Variants in DPYD observed in about 807,000 individuals in gnomAD.
DPYD encodes dihydropyrimidine dehydrogenase.
A neutral mutation model predicts 116.2 loss-of-function variants in DPYD; 109 were observed. That is an observed-to-expected ratio of 0.94 (90% CI 0.80 to 1.10). The LOEUF is 1.10. Among genes scored for constraint, DPYD ranks in the 50% least tolerant of loss-of-function variants. DPYD has a pLI of 0.00. For synonymous variants in DPYD, 440 were observed against 432.0 expected (o/e 1.02, Z -0.23); for missense variants, 1,302 against 1,254.5 (o/e 1.04, Z -0.57).
At chr1:97,418,488 C>T (rs143584592) in intron 14 of DPYD, among the ~76,000 whole-genome samples, 68 of 151,886 alleles carry the variant, frequency 4.5e-4, no homozygotes, top group African/African-American at 1.2e-3. Flanking sequence ...TTAGTAGAGA[C>T]GGGGTTTCAC....
At chr1:97,590,325 T>C (rs1654420503) in intron 10 of DPYD, among the ~76,000 whole-genome samples, 2 of 152,344 alleles carry the variant, frequency 1.3e-5, no homozygotes, top group Admixed American at 1.3e-4. Flanking sequence ...AGGCCTACTG[T>C]TATAATATTT....
chr1:97,348,108 A>T (rs774124318), intron 16 of DPYD, among the ~76,000 whole-genome samples: 2 of 152,154 alleles, frequency 1.3e-5, no homozygotes. Flanking sequence ...TTTTTGAGAA[A>T]ATCCTTTCCA....
In DPYD at chr1:97,721,530, A is replaced by G. The variant is rs201443458; in HGVS notation, c.463T>C (p.Leu155=). ...TEEGPINIGG[L]QQFATEVFKA... ...CATACCTCAGTAGCAAATTGCTGCA[A>G]TCCACCAATATTAATGGGTCCCTCT... The change falls in exon 5 of 23, where the codon TTG becomes CTG. Residue 155 remains leucine, a synonymous_variant. Coordinates refer to ENST00000370192, the MANE Select transcript of DPYD (RefSeq NM_000110.4). 5 of 1,611,452 alleles carry G rather than the reference A, an allele frequency of 3.1e-6. No individual in the cohort carries two copies. The Admixed American group carries it at 6.7e-5, about 22-fold the overall frequency.
At chr1:97,398,067 G>T (rs1289524359) in intron 14 of DPYD, among the ~76,000 whole-genome samples, 1 of 151,844 alleles carries the variant, frequency 6.6e-6, no homozygotes, top group Non-Finnish European at 1.5e-5. Context: ...ATTTACATTA[G>T]GTATATCTCC....
intron 3 of DPYD, among the ~76,000 whole-genome samples, chr1:97,746,811 T>TC (rs1213344735): frequency 6.6e-6 from 1 of 152,042 alleles, no homozygotes; most frequent in South Asian, 2.1e-4. Context: ...ACTGGGGCTC[T>TC]CACTTATTGG....
chr1:97,241,543 T>C (rs1444270688), intron 18 of DPYD, among the ~76,000 whole-genome samples: 1 of 151,940 alleles, frequency 6.6e-6, no homozygotes, highest in African/African-American at 2.4e-5. Flanking sequence ...CAGTTATTAT[T>C]GAGAAGTGAC....
At chr1:97,646,540 T>C (rs1342452191) in intron 8 of DPYD, among the ~76,000 whole-genome samples, 5 of 152,136 alleles carry the variant, frequency 3.3e-5, no homozygotes, top group Non-Finnish European at 1.5e-5. Flanking sequence ...CTCATGGTAA[T>C]ACAAGATTAA....
chr1:97,121,025 C>G (rs1022782104), intron 20 of DPYD, among the ~76,000 whole-genome samples: 1 of 152,072 alleles, frequency 6.6e-6, no homozygotes, highest in African/African-American at 2.4e-5. Flanking sequence ...CATAAAATAA[C>G]TCTGGTTTTA....
intron 11 of DPYD, among the ~76,000 whole-genome samples, chr1:97,565,524 G>A (rs1315218140): frequency 6.6e-6 from 1 of 151,900 alleles, no homozygotes; most frequent in East Asian, 1.9e-4. Context: ...ACACCATCTG[G>A]TCCAGCAAAA....
At chr1:97,727,233 A>T (rs1663316539) in intron 4 of DPYD, among the ~76,000 whole-genome samples, 2 of 151,736 alleles carry the variant, frequency 1.3e-5, no homozygotes, top group South Asian at 4.1e-4. Context: ...GACTTGTCTA[A>T]GATAAGAGAG....
At chr1:97,475,570 TG>T (rs1677912403) in intron 13 of DPYD, among the ~76,000 whole-genome samples, 1 of 152,226 alleles carries the variant, frequency 6.6e-6, no homozygotes, top group Admixed American at 6.5e-5. Context: ...CCTCTAGCCC[TG>T]GGGTAGCCAA....
intron 3 of DPYD, among the ~76,000 whole-genome samples, chr1:97,773,472 A>C (rs1666243336): frequency 6.6e-6 from 1 of 152,168 alleles, no homozygotes; most frequent in Non-Finnish European, 1.5e-5. Flanking sequence ...CCTAAGTGAG[A>C]ACAGCACTCC....
At chr1:97,384,260 A>AAC (rs1553167533) in intron 14 of DPYD, among the ~76,000 whole-genome samples, 8 of 150,094 alleles carry the variant, frequency 5.3e-5, no homozygotes, top group Non-Finnish European at 7.4e-5. Flanking sequence ...AAAAAAAAAA[A>AAC]AGATATGCTG....
At chr1:97,329,407 G>A (rs369362988) in intron 16 of DPYD, among the ~76,000 whole-genome samples, 3 of 152,130 alleles carry the variant, frequency 2.0e-5, no homozygotes, top group African/African-American at 4.8e-5. Flanking sequence ...CTGTATTAAA[G>A]TGATGTTTGA....
intron 20 of DPYD, among the ~76,000 whole-genome samples, chr1:97,126,795 G>C (rs1286368715): frequency 6.6e-6 from 1 of 152,116 alleles, no homozygotes; most frequent in Non-Finnish European, 1.5e-5. Flanking sequence ...TTTCTCTTTA[G>C]CGTGTCTTTT....
chr1:97,196,734 C>T (rs79555078), intron 19 of DPYD, among the ~76,000 whole-genome samples: 1 of 152,074 alleles, frequency 6.6e-6, no homozygotes, highest in South Asian at 2.1e-4. Context: ...TTGCTCCAGG[C>T]CCCATGGTTA....
intron 8 of DPYD, among the ~76,000 whole-genome samples, chr1:97,655,185 C>T (rs1658835296): frequency 6.6e-6 from 1 of 152,056 alleles, no homozygotes; most frequent in Non-Finnish European, 1.5e-5. Context: ...CATACTTGAC[C>T]CTTGCATTTC....
At chr1:97,889,192 G>C (rs1379776605) in intron 1 of DPYD, among the ~76,000 whole-genome samples, 1 of 151,514 alleles carries the variant, frequency 6.6e-6, no homozygotes, top group Non-Finnish European at 1.5e-5. Context: ...AAAATAAAAA[G>C]TGAAAAAAAT....
intron 8 of DPYD, among the ~76,000 whole-genome samples, chr1:97,677,961 C>A (rs1280665597): frequency 1.3e-5 from 2 of 152,036 alleles, no homozygotes; most frequent in African/African-American, 4.8e-5. Context: ...GTGTGAACTG[C>A]CGAAGAGACA....
Sources: gnomAD v4.1 joint callset for allele counts (sites outside exome capture counted in the v4.1 genomes callset) on GRCh38, gnomAD v4.1.1 for gene constraint, MANE v1.5 for transcripts, NCBI Gene and HGNC (gene_info 2026-07-23, HGNC 2026-07-21) for gene names.